KCNMA1: variants seen among roughly 807,000 people sequenced by gnomAD.
KCNMA1 encodes potassium calcium-activated channel subfamily M alpha 1.
KCNMA1 carries 29 observed loss-of-function variants against 140.0 expected under a neutral mutation model. That is an observed-to-expected ratio of 0.21 (90% CI 0.15 to 0.28). KCNMA1 has a LOEUF of 0.28. KCNMA1 is among the 10% of genes least tolerant of loss of function. KCNMA1 has a pLI of 1.00. For synonymous variants in KCNMA1, 612 were observed against 611.9 expected, an observed-to-expected ratio of 1.00 and a Z score of 0.00; for missense variants, 880 against 1,602.2, an observed-to-expected ratio of 0.55 and a Z score of 7.70.
intron 2 of KCNMA1, among the ~76,000 whole-genome samples, chr10:77,306,595 A>G (rs1383538820): frequency 6.6e-6 from 1 of 152,244 alleles, no homozygotes; most frequent in Non-Finnish European, 1.5e-5. Flanking sequence ...ATAGAAATAA[A>G]TGAAGAGTTT....
At chr10:76,970,172 GGAATTCA>G in intron 19 of KCNMA1, 105 bp from the exon 20 acceptor site, 3 of 873,482 alleles carry the variant, frequency 3.4e-6, no homozygotes, top group Non-Finnish European at 5.7e-6. Flanking sequence ...TCACTCACTA[GGAATTCA>G]TGGCTGTCTT....
chr10:77,579,408 A>G (rs2075204918), intron 1 of KCNMA1, among the ~76,000 whole-genome samples: 1 of 152,266 alleles, frequency 6.6e-6, no homozygotes, highest in Admixed American at 6.5e-5. Context: ...CAACTCTGCC[A>G]CGGTAAGCTT....
At chr10:77,544,865 T>C (rs1369251577) in intron 1 of KCNMA1, among the ~76,000 whole-genome samples, 1 of 152,204 alleles carries the variant, frequency 6.6e-6, no homozygotes, top group African/African-American at 2.4e-5. Flanking sequence ...TTCTAACCAA[T>C]GGCACTGACT....
At chr10:77,499,865 G>A (rs1263406589) in intron 1 of KCNMA1, among the ~76,000 whole-genome samples, 2 of 152,004 alleles carry the variant, frequency 1.3e-5, no homozygotes, top group Non-Finnish European at 1.5e-5. Context: ...TGGAAGAGAA[G>A]ATAAAATGTG....
intron 10 of KCNMA1, among the ~76,000 whole-genome samples, chr10:77,088,694 GC>G (rs1307232899): frequency 6.6e-6 from 1 of 152,184 alleles, no homozygotes; most frequent in Non-Finnish European, 1.5e-5. Flanking sequence ...CTCCCAAAGT[GC>G]TGGGATTACA....
chr10:77,105,153 C>T (rs1329301007), intron 9 of KCNMA1, among the ~76,000 whole-genome samples: 1 of 152,198 alleles, frequency 6.6e-6, no homozygotes, highest in Non-Finnish European at 1.5e-5. Context: ...CACACACGCA[C>T]ATGTGCACAA....
chr10:77,182,449 C>G (rs1179258877), intron 5 of KCNMA1, among the ~76,000 whole-genome samples: 2 of 152,074 alleles, frequency 1.3e-5, no homozygotes, highest in Non-Finnish European at 2.9e-5. Context: ...ATACAAACAC[C>G]ACCATCTCTA....
chr10:77,449,351 A>G (rs1442002984), intron 1 of KCNMA1, among the ~76,000 whole-genome samples: 1 of 152,176 alleles, frequency 6.6e-6, no homozygotes, highest in Non-Finnish European at 1.5e-5. Context: ...AATGTCAGCA[A>G]CCACAAGGGG....
intron 5 of KCNMA1, among the ~76,000 whole-genome samples, chr10:77,135,058 A>T (rs949729787): frequency 1.4e-5 from 2 of 147,612 alleles, no homozygotes; most frequent in African/African-American, 4.9e-5. Context: ...GTGAAGAGAC[A>T]ACCTACAGAA....
At chr10:76,950,616 G>C (rs1049411399) in intron 21 of KCNMA1, among the ~76,000 whole-genome samples, 7 of 152,160 alleles carry the variant, frequency 4.6e-5, no homozygotes, top group African/African-American at 1.7e-4. Context: ...ATGCTTTGGG[G>C]GAGGCATATT....
intron 1 of KCNMA1, among the ~76,000 whole-genome samples, chr10:77,539,161 T>A (rs1314782187): frequency 6.6e-6 from 1 of 152,188 alleles, no homozygotes; most frequent in Non-Finnish European, 1.5e-5. Context: ...AGGAACCCAC[T>A]TTTCTCTTTT....
chr10:77,193,516 G>C (rs1361988541), intron 3 of KCNMA1, among the ~76,000 whole-genome samples: 2 of 152,110 alleles, frequency 1.3e-5, no homozygotes, highest in Non-Finnish European at 2.9e-5. Flanking sequence ...AAAAGGAATG[G>C]GATGGAGTAG....
downstream of KCNMA1, among the ~76,000 whole-genome samples, chr10:76,883,274 T>C (rs1035413277): frequency 2.6e-5 from 4 of 152,188 alleles, no homozygotes; most frequent in Admixed American, 2.0e-4. Context: ...AAGGGTAATA[T>C]AGAAAATGGT....
At chr10:77,154,462 T>C (rs1373739709) in intron 5 of KCNMA1, among the ~76,000 whole-genome samples, 3 of 152,188 alleles carry the variant, frequency 2.0e-5, no homozygotes, top group East Asian at 1.9e-4. Context: ...CTAGCCCTGA[T>C]TCCAATTCTT....
chr10:77,437,356 A>G (rs1048692030), intron 1 of KCNMA1, among the ~76,000 whole-genome samples: 1 of 152,224 alleles, frequency 6.6e-6, no homozygotes, highest in African/African-American at 2.4e-5. Flanking sequence ...TGTCAGTGGC[A>G]CCGGATAAAA....
At chr10:77,199,100 T>C (rs529062760) in intron 3 of KCNMA1, among the ~76,000 whole-genome samples, 2 of 152,292 alleles carry the variant, frequency 1.3e-5, no homozygotes, top group East Asian at 1.9e-4. Flanking sequence ...ACTACCTTCC[T>C]CATTCCTTGA....
At chr10:77,345,980 C>T (rs535094437) in intron 2 of KCNMA1, among the ~76,000 whole-genome samples, 2 of 152,348 alleles carry the variant, frequency 1.3e-5, no homozygotes, top group South Asian at 4.1e-4. Context: ...CAGACACATT[C>T]ATATACTGAC....
chr10:76,899,758 T>C (rs1385547138), intron 25 of KCNMA1, among the ~76,000 whole-genome samples: 2 of 152,160 alleles, frequency 1.3e-5, no homozygotes, highest in South Asian at 2.1e-4. Flanking sequence ...GGCTCTCTGA[T>C]AAAAATTTTT....
chr10:77,167,551 G>GATA (rs1386230279), intron 5 of KCNMA1, among the ~76,000 whole-genome samples: 2 of 152,086 alleles, frequency 1.3e-5, no homozygotes, highest in African/African-American at 4.8e-5. Context: ...AGTGAATGAT[G>GATA]ATAATAATAA....
Sources: gnomAD v4.1 joint callset for allele counts (sites outside exome capture counted in the v4.1 genomes callset) on GRCh38, gnomAD v4.1.1 for gene constraint, MANE v1.5 for transcripts, NCBI Gene and HGNC (gene_info 2026-07-23, HGNC 2026-07-21) for gene names.